The following FOXN3 variants were observed in gnomAD, a reference collection of about 807,000 sequenced individuals.
The protein encoded by FOXN3 is forkhead box N3.
FOXN3 carries 7 observed loss-of-function variants against 38.4 expected under a neutral mutation model. The ratio of observed to expected loss-of-function variants is 0.18; its 90% confidence interval spans 0.10 to 0.34. FOXN3 has a LOEUF of 0.34. Ranked by LOEUF, FOXN3 falls within the 10% of genes least tolerant of loss-of-function variation. The probability of loss-of-function intolerance (pLI) is 1.00; values close to 1 mark genes in which losing one functional copy is unlikely to be tolerated. For missense variants in FOXN3, 456 were observed against 613.4 expected (o/e 0.74, Z 2.71); for synonymous variants, 230 against 242.2 (o/e 0.95, Z 0.47).
chr14:89,454,721 T>C (rs1892685410), intron 1 of FOXN3, among the ~76,000 whole-genome samples: 1 of 152,222 alleles, frequency 6.6e-6, no homozygotes, highest in Non-Finnish European at 1.5e-5. Context: ...GTGCTTATCA[T>C]AGCAGGTTTA....
intron 1 of FOXN3, among the ~76,000 whole-genome samples, chr14:89,449,354 C>T (rs1363761836): frequency 6.6e-6 from 1 of 152,152 alleles, no homozygotes; most frequent in Admixed American, 6.6e-5. Flanking sequence ...GCCTTATATC[C>T]TCTTCTTATA....
Position 89,158,792 on chromosome 14 carries a change from G to C in FOXN3, c.*3622C>G, listed in dbSNP as rs1418582810. 2 of 152,572 alleles carry C rather than the reference G, an allele frequency of 1.3e-5. No individual in the cohort carries two copies. Among genetic ancestry groups the C allele is most frequent in the East Asian group, 3.8e-4 (2 of 5,196 alleles). The allele number at this position is 152,572 out of a possible 1,614,324, so 9.5% of individuals were successfully genotyped here. ...CGAGGGCCAATAGCAAGTAATCGTA[G>C]ACGTCGTGGTGTTGATGTGTTCACG... On this transcript the variant is annotated 3_prime_UTR_variant, in exon 6 of 6. Coordinates refer to ENST00000557258, the MANE Select transcript of FOXN3 (RefSeq NM_005197.4).
chr14:89,343,420 G>C (rs1292694932), intron 3 of FOXN3, among the ~76,000 whole-genome samples: 1 of 150,590 alleles, frequency 6.6e-6, no homozygotes, highest in Non-Finnish European at 1.5e-5. Flanking sequence ...TTGTTAATTT[G>C]AATATACAGT....
rs577801292 is a variant in FOXN3, at chr14:89,180,584, T to C, written c.851+117A>G. The C allele has an allele frequency of 1.1e-3, 668 of 636,142 alleles. 1 individual carries two copies. The highest frequency in any genetic ancestry group is 2.7e-3 in the Middle Eastern group (6 of 2,256). The allele number at this position is 636,142 out of a possible 1,614,324, so 39.4% of individuals were successfully genotyped here. On this transcript the variant is annotated intron_variant, in intron 5 of 5. Coordinates refer to ENST00000557258, the MANE Select transcript of FOXN3 (RefSeq NM_005197.4). ...CACATTTCTGAGCACGCAAACCAGG[T>C]TTATTGCTGTCACTAGTTCGAAGCA...
intron 4 of FOXN3, among the ~76,000 whole-genome samples, chr14:89,234,297 T>TTG (rs1884913725): frequency 6.6e-6 from 1 of 152,196 alleles, no homozygotes; most frequent in Non-Finnish European, 1.5e-5. Flanking sequence ...AATCAAGGCA[T>TTG]TGGCAGGGCC....
chr14:89,264,649 A>C (rs1184175716), intron 4 of FOXN3, among the ~76,000 whole-genome samples: 1 of 152,080 alleles, frequency 6.6e-6, no homozygotes, highest in Non-Finnish European at 1.5e-5. Context: ...GAGCAGGAAC[A>C]CCCTCAGGGT....
intron 2 of FOXN3, among the ~76,000 whole-genome samples, chr14:89,366,036 G>T (rs1303606535): frequency 2.0e-5 from 3 of 152,148 alleles, no homozygotes; most frequent in African/African-American, 7.2e-5. Flanking sequence ...TGGATCACGA[G>T]GTCAGGAGAT....
intron 2 of FOXN3, among the ~76,000 whole-genome samples, chr14:89,363,407 G>T (rs1889957085): frequency 6.6e-6 from 1 of 152,236 alleles, no homozygotes; most frequent in Non-Finnish European, 1.5e-5. Flanking sequence ...GCAATGCCAG[G>T]ACTTTCCCAG....
intron 4 of FOXN3, among the ~76,000 whole-genome samples, chr14:89,233,347 G>A (rs556495570): frequency 1.3e-5 from 2 of 152,300 alleles, no homozygotes; most frequent in South Asian, 2.1e-4. Flanking sequence ...ACTTGGTGGT[G>A]TCTGAGGTCA....
At chr14:89,278,154 C>A (rs555917686) in intron 4 of FOXN3, among the ~76,000 whole-genome samples, 3 of 152,294 alleles carry the variant, frequency 2.0e-5, no homozygotes, top group Admixed American at 1.3e-4. Context: ...AATGGACTCA[C>A]AGTTCCACGT....
rs762426047 is a variant in FOXN3, at chr14:89,511,219, C to CTTTCTT, written c.-14-98735_-14-98730dup. ...CTTTCTTTCTTTTCTTTCTTTCTTT[C>CTTTCTT]TTTCTTTCTTTTCTTTCCTTTTCTT... On this transcript the variant is annotated intron_variant, in intron 1 of 6. Transcript: ENST00000345097. Among the ~76,000 whole-genome samples, 12 of 14,588 alleles carry CTTTCTT rather than the reference C, an allele frequency of 8.2e-4. 3 individuals carry two copies. Among genetic ancestry groups the CTTTCTT allele is most frequent in the African/African-American group, 1.5e-3 (12 of 7,812 alleles). The allele number at this position is 14,588 out of a possible 152,430, so 9.6% of individuals were successfully genotyped here.
intron 1 of FOXN3, among the ~76,000 whole-genome samples, chr14:89,424,382 A>G (rs1250639127): frequency 1.3e-5 from 2 of 152,208 alleles, no homozygotes; most frequent in Admixed American, 6.5e-5. Flanking sequence ...AGGAGGGACA[A>G]AACGATCCCC....
At chr14:89,566,254 C>T (rs1895348131) in intron 1 of FOXN3, among the ~76,000 whole-genome samples, 1 of 152,110 alleles carries the variant, frequency 6.6e-6, no homozygotes, top group Non-Finnish European at 1.5e-5. Context: ...CTGTCACTGA[C>T]TCTTTTAAGA....
At chr14:89,186,198 C>G (rs1007828699) in intron 4 of FOXN3, among the ~76,000 whole-genome samples, 2 of 152,112 alleles carry the variant, frequency 1.3e-5, no homozygotes, top group East Asian at 3.8e-4. Context: ...GGGGCTGGCA[C>G]GGGGAGACAC....
intron 5 of FOXN3, 29 bp downstream of exon 5, chr14:89,180,672 T>C (rs59467669): frequency 6.5e-7 from 1 of 1,529,226 alleles, no homozygotes; most frequent in East Asian, 2.3e-5. Flanking sequence ...CTCCCCAGGC[T>C]GGCTCTGCCC....
intron 3 of FOXN3, among the ~76,000 whole-genome samples, chr14:89,310,479 G>A (rs943916592): frequency 1.1e-4 from 17 of 152,174 alleles, no homozygotes; most frequent in East Asian, 3.8e-4. Context: ...TCATTGGCAC[G>A]AAAGCCACTT....
At chr14:89,478,606 C>A (rs1893258446) in intron 1 of FOXN3, among the ~76,000 whole-genome samples, 2 of 151,986 alleles carry the variant, frequency 1.3e-5, no homozygotes, top group Admixed American at 1.3e-4. Context: ...AAGTACTGGG[C>A]CAAGTACTTT....
At chr14:89,600,149 T>C (rs1249129139) in intron 1 of FOXN3, among the ~76,000 whole-genome samples, 3 of 152,216 alleles carry the variant, frequency 2.0e-5, no homozygotes, top group Non-Finnish European at 2.9e-5. Context: ...ACAAACCTGA[T>C]CTACTATTGC....
intron 1 of FOXN3, among the ~76,000 whole-genome samples, chr14:89,572,740 A>G (rs1169328190): frequency 2.0e-5 from 3 of 152,236 alleles, no homozygotes; most frequent in Non-Finnish European, 4.4e-5. Flanking sequence ...GACAAATTTT[A>G]TTTCTGTGAT....
Sources: allele counts gnomAD v4.1 joint callset (sites outside exome capture counted in the v4.1 genomes callset), GRCh38; gene constraint gnomAD v4.1.1; transcripts MANE v1.5; gene names NCBI Gene and HGNC (gene_info 2026-07-23, HGNC 2026-07-21).